Variants in USH2A observed in about 807,000 individuals in gnomAD.
USH2A encodes Usher syndrome 2A (autosomal recessive, mild).
Under a neutral mutation model 538.9 loss-of-function variants are expected in USH2A, and 443 were observed. The ratio of observed to expected loss-of-function variants is 0.82; its 90% CI spans 0.76 to 0.89. The LOEUF (loss-of-function observed/expected upper bound fraction) is 0.89. Among genes scored for constraint, USH2A ranks in the 40% least tolerant of loss-of-function variants. USH2A has a pLI of 0.00. For synonymous variants in USH2A, 2,413 were observed against 2,273.5 expected (o/e 1.06, Z -1.75); for missense variants, 6,633 against 6,324.8 (o/e 1.05, Z -1.65).
chr1:216,403,097 G>A (rs1008063514), intron 3 of USH2A, among the ~76,000 whole-genome samples: 1 of 151,954 alleles, frequency 6.6e-6, no homozygotes, highest in Non-Finnish European at 1.5e-5. Context: ...TGACCAAGTA[G>A]GATTTATTTC....
At chr1:216,179,821 A>C (rs530844198) in intron 20 of USH2A, among the ~76,000 whole-genome samples, 42 of 152,168 alleles carry the variant, frequency 2.8e-4, no homozygotes, top group Non-Finnish European at 4.4e-4. Context: ...AAAAGGAACT[A>C]TAGGTAAAAG....
chr1:216,156,685 TTAAAC>T (rs1244398008), intron 21 of USH2A, among the ~76,000 whole-genome samples: 1 of 152,070 alleles, frequency 6.6e-6, no homozygotes, highest in East Asian at 1.9e-4. Context: ...TGAGACCTAA[TTAAAC>T]TAAAGTGTCT....
At chr1:215,755,971 T>C (rs573153236) in intron 58 of USH2A, among the ~76,000 whole-genome samples, 1 of 152,286 alleles carries the variant, frequency 6.6e-6, no homozygotes, top group South Asian at 2.1e-4. Context: ...CAGTAGGTGG[T>C]TTTATTATTT....
chr1:215,984,876 T>C (rs907626725), intron 35 of USH2A, among the ~76,000 whole-genome samples: 4 of 152,180 alleles, frequency 2.6e-5, no homozygotes, highest in African/African-American at 7.2e-5. Flanking sequence ...GTGGCAGATA[T>C]CTCCCTGTGT....
chr1:215,725,185 T>G (rs973067234), intron 61 of USH2A, among the ~76,000 whole-genome samples: 1 of 151,990 alleles, frequency 6.6e-6, no homozygotes, highest in Non-Finnish European at 1.5e-5. Flanking sequence ...AAAAATAGTG[T>G]TTTTAGTACA....
intron 4 of USH2A, among the ~76,000 whole-genome samples, chr1:216,361,850 C>T (rs1464783411): frequency 2.0e-5 from 3 of 152,274 alleles, no homozygotes; most frequent in South Asian, 4.1e-4. Context: ...ATCTCATTGG[C>T]ATAGTGCTAA....
chr1:216,338,820 C>T (rs750562735), intron 4 of USH2A, among the ~76,000 whole-genome samples: 7 of 151,160 alleles, frequency 4.6e-5, no homozygotes, highest in African/African-American at 7.3e-5. Context: ...AAAATTAAAA[C>T]GAAAATAAGG....
chr1:215,852,166 G>C (rs1664035289), intron 44 of USH2A, among the ~76,000 whole-genome samples: 1 of 152,142 alleles, frequency 6.6e-6, no homozygotes, highest in Non-Finnish European at 1.5e-5. Flanking sequence ...ATTTACAAAA[G>C]AAAGAGGTTT....
intron 39 of USH2A, 67 bp downstream of exon 39, chr1:215,900,688 C>T: frequency 6.2e-7 from 1 of 1,606,944 alleles, no homozygotes; most frequent in South Asian, 1.1e-5. Context: ...AACTGACCTA[C>T]TCTTCAAAAA....
At chr1:215,768,470 T>C (rs1348481092) in intron 55 of USH2A, among the ~76,000 whole-genome samples, 1 of 131,666 alleles carries the variant, frequency 7.6e-6, no homozygotes, top group Non-Finnish European at 1.5e-5. Context: ...GAGCCCTTTG[T>C]ATTTTTTTTA....
rs984141444 is a variant in USH2A, at chr1:216,168,685, G to A, written c.4627+6567C>T. On this transcript the variant is annotated intron_variant, in intron 21 of 71. Coordinates refer to ENST00000307340, the MANE Select transcript of USH2A (RefSeq NM_206933.4). ...GTGCAGCCTCCAGCTGCAAGATTCC[G>A]AACCTCCCCAAATTGCTCCTGGGGA... Among the ~76,000 whole-genome samples, 18 of 152,176 alleles carry A rather than the reference G, an allele frequency of 1.2e-4. No individual in the cohort carries two copies. The Middle Eastern group carries it at 0.01, about 86-fold the overall frequency.
At chr1:215,730,653 G>A (rs539186031) in intron 60 of USH2A, among the ~76,000 whole-genome samples, 3 of 152,202 alleles carry the variant, frequency 2.0e-5, no homozygotes, top group African/African-American at 7.2e-5. Context: ...GGCAGAATAT[G>A]TAAAATCTTT....
chr1:215,997,134 G>T (rs1489565655), intron 34 of USH2A, among the ~76,000 whole-genome samples: 1 of 152,038 alleles, frequency 6.6e-6, no homozygotes, highest in Non-Finnish European at 1.5e-5. Context: ...AAATGTTCTG[G>T]TTCATTTAAT....
At chr1:216,236,577 T>A (rs1239207570) in intron 13 of USH2A, among the ~76,000 whole-genome samples, 1 of 152,170 alleles carries the variant, frequency 6.6e-6, no homozygotes, top group Non-Finnish European at 1.5e-5. Context: ...TGGATAAATA[T>A]CTTCTATCCT....
intron 3 of USH2A, among the ~76,000 whole-genome samples, chr1:216,403,312 C>T (rs144197783): frequency 2.6e-5 from 4 of 152,104 alleles, no homozygotes; most frequent in Admixed American, 6.6e-5. Context: ...CAATCTACAG[C>T]TAACATCATA....
At chr1:216,353,120 A>G (rs772491078) in intron 4 of USH2A, among the ~76,000 whole-genome samples, 3 of 152,112 alleles carry the variant, frequency 2.0e-5, no homozygotes, top group Admixed American at 6.6e-5. Context: ...AGAAGTGGTT[A>G]TAATAACTGG....
At chr1:215,804,509 T>C (rs1400156453) in intron 49 of USH2A, among the ~76,000 whole-genome samples, 2 of 150,048 alleles carry the variant, frequency 1.3e-5, no homozygotes, top group Non-Finnish European at 3.0e-5. Flanking sequence ...AAGACATTTA[T>C]GCAGACAAAA....
chr1:215,837,470 A>T (rs1000349568), intron 47 of USH2A, among the ~76,000 whole-genome samples: 2 of 152,132 alleles, frequency 1.3e-5, no homozygotes, highest in African/African-American at 4.8e-5. Context: ...TTATAAAGAG[A>T]CTCGCTTTCA....
At chr1:215,753,842 C>A (rs1360844590) in intron 58 of USH2A, among the ~76,000 whole-genome samples, 1 of 152,136 alleles carries the variant, frequency 6.6e-6, no homozygotes, top group Non-Finnish European at 1.5e-5. Flanking sequence ...AAAATATTCT[C>A]CCAGAATCAT....
Sources: gnomAD v4.1 joint callset for allele counts (sites outside exome capture counted in the v4.1 genomes callset) on GRCh38, gnomAD v4.1.1 for gene constraint, MANE v1.5 for transcripts, NCBI Gene and HGNC (gene_info 2026-07-23, HGNC 2026-07-21) for gene names.